Variants in UNC5D observed in about 807,000 individuals in gnomAD.
UNC5D encodes the protein netrin receptor UNC5D.
UNC5D carries 39 observed loss-of-function variants against 105.4 expected under a neutral mutation model. The observed-to-expected ratio is 0.37, with a 90% CI of 0.29 to 0.48. The LOEUF (loss-of-function observed/expected upper bound fraction) is 0.48, where lower values mean the gene tolerates loss of function less well. Ranked by LOEUF, UNC5D falls within the 20% of genes least tolerant of loss-of-function variation. UNC5D has a pLI of 0.98. For missense variants in UNC5D, 991 were observed against 1,202.4 expected, an observed-to-expected ratio of 0.82 and a Z score of 2.60; for synonymous variants, 452 against 450.4, an observed-to-expected ratio of 1.00 and a Z score of -0.04.
intron 14 of UNC5D, among the ~76,000 whole-genome samples, chr8:35,761,585 G>A (rs940751945): frequency 2.0e-5 from 3 of 152,188 alleles, no homozygotes; most frequent in Non-Finnish European, 4.4e-5. Flanking sequence ...TTTTGTAATT[G>A]AGCATAATTT....
chr8:35,370,457 T>C (rs930875113), intron 1 of UNC5D, among the ~76,000 whole-genome samples: 2 of 152,228 alleles, frequency 1.3e-5, no homozygotes, highest in African/African-American at 4.8e-5. Context: ...AATGTAATTG[T>C]GTCTAGGAGA....
chr8:35,562,348 C>T (rs1817024620), intron 2 of UNC5D, among the ~76,000 whole-genome samples: 1 of 151,956 alleles, frequency 6.6e-6, no homozygotes, highest in African/African-American at 2.4e-5. Flanking sequence ...ATATATATGC[C>T]TAGTAGTGGG....
At chr8:35,238,474 C>T (rs561348034) in intron 1 of UNC5D, among the ~76,000 whole-genome samples, 1 of 152,286 alleles carries the variant, frequency 6.6e-6, no homozygotes, top group South Asian at 2.1e-4. Flanking sequence ...CACTCTGGTG[C>T]CATGATCACT....
At chr8:35,526,670 C>T (rs2130499392) in intron 1 of UNC5D, among the ~76,000 whole-genome samples, 1 of 152,086 alleles carries the variant, frequency 6.6e-6, no homozygotes, top group Non-Finnish European at 1.5e-5. Context: ...TCATTGTTTT[C>T]CGCATCTTGA....
intron 1 of UNC5D, among the ~76,000 whole-genome samples, chr8:35,270,640 T>C (rs1290993267): frequency 6.6e-6 from 1 of 152,198 alleles, no homozygotes; most frequent in African/African-American, 2.4e-5. Context: ...TTTAGTATAT[T>C]CTTCAAATTA....
chr8:35,415,513 T>C (rs4739406), intron 1 of UNC5D, among the ~76,000 whole-genome samples: 77,282 of 151,864 alleles, frequency 0.51, 20,099 homozygotes, highest in African/African-American at 0.61. Context: ...ACCCTATCTC[T>C]TACAACAACC....
rs1828678675 is a variant in UNC5D at position 35,723,245 on chromosome 8, C to T, written c.1303+850C>T. Among the ~76,000 whole-genome samples, 4 of 152,146 alleles carry T rather than the reference C, an allele frequency of 2.6e-5. No individual in the cohort carries two copies. The South Asian group carries it at 6.2e-4, about 24-fold the overall frequency. ...GGCAGTGATTGAGTAGACAGGCTTC[C>T]GAAGTGGAAACACAGGCATGCTGGA... is the stretch of plus-strand genomic sequence containing the variant. On this transcript the variant is annotated intron_variant, in intron 9 of 16. Transcript: ENST00000404895.
intron 4 of UNC5D, among the ~76,000 whole-genome samples, chr8:35,638,630 T>TA (rs549771490): frequency 2.7e-4 from 41 of 149,752 alleles, no homozygotes; most frequent in African/African-American, 6.9e-4. Flanking sequence ...CTCATCTCTA[T>TA]AAAAAAAAAT....
chr8:35,580,147 G>A (rs1056380715), intron 3 of UNC5D, among the ~76,000 whole-genome samples: 1 of 152,130 alleles, frequency 6.6e-6, no homozygotes, highest in Non-Finnish European at 1.5e-5. Context: ...AAATAAACCA[G>A]TTTGAAGAAT....
chr8:35,680,456 G>A (rs1282013498), intron 4 of UNC5D, among the ~76,000 whole-genome samples: 1 of 151,818 alleles, frequency 6.6e-6, no homozygotes, highest in Non-Finnish European at 1.5e-5. Flanking sequence ...TCATCTTTAT[G>A]CCAGATTTAC....
chr8:35,647,189 G>T (rs1166262973), intron 4 of UNC5D, among the ~76,000 whole-genome samples: 2 of 152,152 alleles, frequency 1.3e-5, no homozygotes, highest in Non-Finnish European at 2.9e-5. Context: ...AGCCTTCCTA[G>T]TTAGCTGTAA....
At chr8:35,310,607 C>G (rs1204885972) in intron 1 of UNC5D, among the ~76,000 whole-genome samples, 1 of 151,786 alleles carries the variant, frequency 6.6e-6, no homozygotes, top group Non-Finnish European at 1.5e-5. Context: ...GTGACTGAGA[C>G]CCTGTCTCAA....
chr8:35,558,789 C>A (rs376567662), intron 2 of UNC5D, among the ~76,000 whole-genome samples: 1 of 152,130 alleles, frequency 6.6e-6, no homozygotes, highest in African/African-American at 2.4e-5. Context: ...TTCAGACCAG[C>A]CTGGCCAACA....
At chr8:35,283,194 T>A (rs1259846722) in intron 1 of UNC5D, among the ~76,000 whole-genome samples, 3 of 152,058 alleles carry the variant, frequency 2.0e-5, no homozygotes, top group Non-Finnish European at 2.9e-5. Context: ...TTTGAGAAAA[T>A]TTGCTCATGT....
intron 1 of UNC5D, among the ~76,000 whole-genome samples, chr8:35,511,175 G>A (rs149862886): frequency 2.4e-4 from 36 of 152,274 alleles, no homozygotes; most frequent in African/African-American, 8.2e-4. Context: ...TTAGCACCAT[G>A]ATGGGCTGTG....
intron 1 of UNC5D, among the ~76,000 whole-genome samples, chr8:35,416,636 C>A (rs986202744): frequency 1.3e-5 from 2 of 151,894 alleles, no homozygotes; most frequent in Non-Finnish European, 2.9e-5. Flanking sequence ...AAGTGTTTGA[C>A]TTTGTGATAT....
chr8:35,612,530 C>T (rs1820750874), intron 4 of UNC5D, among the ~76,000 whole-genome samples: 2 of 151,988 alleles, frequency 1.3e-5, no homozygotes, highest in Admixed American at 6.6e-5. Context: ...ACTACTTCTT[C>T]AAATGGCTAA....
chr8:35,718,178 C>T (rs1363498535), intron 8 of UNC5D, among the ~76,000 whole-genome samples: 4 of 151,848 alleles, frequency 2.6e-5, no homozygotes, highest in African/African-American at 9.7e-5. Context: ...TTGCCTGAAG[C>T]TTTTGTGACT....
intron 1 of UNC5D, among the ~76,000 whole-genome samples, chr8:35,508,343 GT>G: frequency 6.6e-6 from 1 of 152,288 alleles, no homozygotes; most frequent in Non-Finnish European, 1.5e-5. Context: ...TCTGACCTAG[GT>G]CTAGATTATT....
Sources: allele counts gnomAD v4.1 joint callset (sites outside exome capture counted in the v4.1 genomes callset), GRCh38; gene constraint gnomAD v4.1.1; transcripts MANE v1.5; gene names NCBI Gene and HGNC (gene_info 2026-07-23, HGNC 2026-07-21).